Variants in MOCOS observed in about 807,000 individuals in gnomAD.
MOCOS encodes the protein molybdenum cofactor sulfurase, also known as human molybdenum cofactor sulfurase.
A neutral mutation model predicts 83.6 loss-of-function variants in MOCOS; 86 were observed. The ratio of observed to expected loss-of-function variants is 1.03; its 90% confidence interval spans 0.86 to 1.23. The LOEUF is 1.23. Ranked by LOEUF, MOCOS falls within the 50% of genes most tolerant of loss-of-function variation. The probability of loss-of-function intolerance (pLI) is 0.00; values close to 1 mark genes in which losing one functional copy is unlikely to be tolerated. For synonymous variants in MOCOS, 445 were observed against 434.7 expected (o/e 1.02, Z -0.29); for missense variants, 1,120 against 1,126.9 (o/e 0.99, Z 0.09).
In MOCOS at chr18:36,226,038, G is replaced by A. The variant is rs1231147241; in HGVS notation, c.1960+5821G>A. On this transcript the variant is annotated intron_variant, in intron 9 of 14. Transcript: ENST00000261326. ...GTATTCTTCTGCTGTTGGGTGAAACGTTTTATGTATGTTTGTTAGGTCCAT... is the reference window on the plus strand; with the variant it reads ...GTATTCTTCTGCTGTTGGGTGAAACATTTTATGTATGTTTGTTAGGTCCAT... Among the ~76,000 whole-genome samples the A allele has an allele frequency of 2.6e-5, 4 of 151,590 alleles. No individual in the cohort carries two copies. The South Asian group carries it at 6.3e-4, about 24-fold the overall frequency.
chr18:36,240,889 C>G (rs775211728), intron 9 of MOCOS, among the ~76,000 whole-genome samples: 1 of 152,168 alleles, frequency 6.6e-6, no homozygotes, highest in African/African-American at 2.4e-5. Context: ...GGGAATGACC[C>G]GATTCTCCAG....
rs2091696931 is a variant in MOCOS at position 36,270,798 on chromosome 18, ACTT to A, written c.*2114_*2116del. 2.0e-5 allele frequency: 3 copies of A among 151,426 alleles called. No homozygotes were observed. The highest frequency in any genetic ancestry group is 2.9e-5 in the Non-Finnish European group (2 of 67,956). The allele number at this position is 151,426 out of a possible 1,614,324, so 9.4% of individuals were successfully genotyped here. Reference sequence around the variant, plus strand: ...GTCTATGTCACCTTTTGCAGTAGATACTTTCATGACTGATTTCAGGCTTTTTGT... The same window carrying A: ...GTCTATGTCACCTTTTGCAGTAGATATCATGACTGATTTCAGGCTTTTTGT... On this transcript the variant is annotated 3_prime_UTR_variant, in exon 15 of 15. Transcript: ENST00000261326.
At chr18:36,201,168 C>A (rs547800300) in intron 4 of MOCOS, among the ~76,000 whole-genome samples, 4 of 152,092 alleles carry the variant, frequency 2.6e-5, no homozygotes, top group African/African-American at 2.4e-5. Flanking sequence ...GGGGCATAGA[C>A]GGGAAGGGCT....
At position 36,203,099 on chromosome 18, in the gene MOCOS, C is replaced by T. The variant is rs985049498; in HGVS notation, c.942-14C>T. On this transcript the variant is annotated splice_polypyrimidine_tract_variant and intron_variant, in intron 4 of 14. Transcript: ENST00000261326. Reference sequence around the variant, plus strand: ...ACCACAGCTTGACCTGTTCTCCTTACCCCGTGGTTATAGGTTTGAAGATGG... The same window carrying T: ...ACCACAGCTTGACCTGTTCTCCTTATCCCGTGGTTATAGGTTTGAAGATGG... The T allele has an allele frequency of 5.0e-6, 8 of 1,612,930 alleles. No homozygotes were observed. Among genetic ancestry groups the T allele is most frequent in the Admixed American group, 1.7e-5 (1 of 60,014 alleles).
chr18:36,220,336 T>C, intron 9 of MOCOS, 119 bp downstream of exon 9: 3 of 1,186,142 alleles, frequency 2.5e-6, no homozygotes, highest in South Asian at 1.5e-5. Context: ...TGAGACCTCA[T>C]CTCTACAAAA....
chr18:36,234,801 C>T (rs2091551658), intron 9 of MOCOS, among the ~76,000 whole-genome samples: 1 of 152,120 alleles, frequency 6.6e-6, no homozygotes, highest in South Asian at 2.1e-4. Context: ...AGGAAACTTA[C>T]AATTATGGTG....
intron 11 of MOCOS, 137 bp downstream of exon 11, chr18:36,251,420 C>A: frequency 8.3e-7 from 1 of 1,207,276 alleles, no homozygotes; most frequent in Non-Finnish European, 1.2e-6. Flanking sequence ...TTAGCAGAAA[C>A]CTACTGCAGT....
Position 36,252,891 on chromosome 18 carries a change from C to T in MOCOS, c.2164+1608C>T, listed in dbSNP as rs114048733. Among the ~76,000 whole-genome samples, 1,215 of 152,196 alleles carry T rather than the reference C, an allele frequency of 8.0e-3. 19 individuals carry two copies. Among genetic ancestry groups the T allele is most frequent in the African/African-American group, 0.028 (1,154 of 41,524 alleles). ...GTTTTTAAAGTTCTGATGATTTTCA[C>T]GCCATAAGCTGTTAAGAATTTGAGT... On this transcript the variant is annotated intron_variant, in intron 11 of 14. Transcript: ENST00000261326.
At chr18:36,258,201 G>A (rs908714395) in intron 12 of MOCOS, among the ~76,000 whole-genome samples, 2 of 152,022 alleles carry the variant, frequency 1.3e-5, no homozygotes, top group Non-Finnish European at 2.9e-5. Context: ...TACCAGGAGG[G>A]GCCACGTTCC....
chr18:36,208,506 T>TC (rs1313324739), intron 6 of MOCOS, among the ~76,000 whole-genome samples: 1 of 152,060 alleles, frequency 6.6e-6, no homozygotes, highest in East Asian at 1.9e-4. Flanking sequence ...ATTGTAGATA[T>TC]CCCCCCTGGT....
intron 9 of MOCOS, among the ~76,000 whole-genome samples, chr18:36,248,419 T>C (rs1041525852): frequency 6.6e-5 from 10 of 152,234 alleles, no homozygotes; most frequent in Non-Finnish European, 1.5e-4. Context: ...TTGTTTCCCT[T>C]GTTGTGCAGA....
chr18:36,256,819 C>T (rs765728945), intron 11 of MOCOS, 149 bp from the exon 12 acceptor site: 11 of 738,680 alleles, frequency 1.5e-5, no homozygotes, highest in Non-Finnish European at 2.7e-5. Context: ...ATGCACCATG[C>T]TTAGGACATT....
intron 9 of MOCOS, among the ~76,000 whole-genome samples, chr18:36,247,844 A>G (rs1287551116): frequency 6.6e-6 from 1 of 152,236 alleles, no homozygotes; most frequent in East Asian, 1.9e-4. Context: ...TCATGCAGCA[A>G]AAGTTCACAG....
chr18:36,191,893 T>C (rs2091367794), intron 1 of MOCOS, among the ~76,000 whole-genome samples: 1 of 152,200 alleles, frequency 6.6e-6, no homozygotes, highest in African/African-American at 2.4e-5. Flanking sequence ...GCCTGACACA[T>C]AGTAGGTGCT....
chr18:36,204,296 G>A (rs1022101586), intron 5 of MOCOS, among the ~76,000 whole-genome samples: 1 of 151,848 alleles, frequency 6.6e-6, no homozygotes, highest in Non-Finnish European at 1.5e-5. Flanking sequence ...GCCTATTCTT[G>A]GTAACTCATC....
chr18:36,263,185 A>C (rs562470541), intron 13 of MOCOS, among the ~76,000 whole-genome samples: 83 of 152,356 alleles, frequency 5.4e-4, no homozygotes, highest in Non-Finnish European at 9.1e-4. Context: ...AAACTAGCAC[A>C]TCTCTTTTGG....
In MOCOS at chr18:36,199,824, C is replaced by T; in HGVS notation, c.441C>T (p.Tyr147=). 6.2e-7 allele frequency: 1 copy of T among 1,604,728 alleles called. No homozygotes were observed. Among genetic ancestry groups the T allele is most frequent in the Non-Finnish European group, 8.5e-7 (1 of 1,173,922 alleles). Residue 147 remains tyrosine (Y), a synonymous_variant, in exon 4 of 15, where the codon TAC becomes TAT. Transcript: ENST00000261326. ...GPESSGSRFC[Y]LTDSHTSVVG... is the part of the protein sequence containing the mutation. ...AGAGCAGTGGGAGTCGCTTCTGTTA[C>T]CTCACCGACAGCCACACCTCCGTAG...
chr18:36,199,854 T>C lies in MOCOS; in HGVS notation c.471T>C (p.Gly157=), dbSNP rs759265186. 2.7e-5 allele frequency: 43 copies of C among 1,613,190 alleles called. No individual in the cohort carries two copies. The highest frequency in any genetic ancestry group is 3.5e-5 in the Non-Finnish European group (41 of 1,179,716). ...YLTDSHTSVV[G]MRNVTMAINV... is the part of the protein sequence containing the mutation. ...CCGACAGCCACACCTCCGTAGTGGG[T>C]ATGCGGAACGTGACCATGGCTATAA... Residue 157 remains glycine, a synonymous_variant, in exon 4 of 15, where the codon GGT becomes GGC. Transcript: ENST00000261326.
chr18:36,212,266 T>G (rs755780215), intron 6 of MOCOS, among the ~76,000 whole-genome samples: 2 of 152,222 alleles, frequency 1.3e-5, no homozygotes, highest in Non-Finnish European at 2.9e-5. Context: ...ATAAAATGGT[T>G]GTTGTTTTAT....
Sources: gnomAD v4.1 joint callset for allele counts (sites outside exome capture counted in the v4.1 genomes callset) on GRCh38, gnomAD v4.1.1 for gene constraint, MANE v1.5 for transcripts, NCBI Gene and HGNC (gene_info 2026-07-23, HGNC 2026-07-21) for gene names.